The following SLC10A7 variants were observed in gnomAD, a reference collection of about 807,000 sequenced individuals.
SLC10A7 encodes solute carrier family 10 member 7.
Under a neutral mutation model 43.2 loss-of-function variants are expected in SLC10A7, and 29 were observed. The observed-to-expected ratio is 0.67, with a 90% CI of 0.50 to 0.92. The LOEUF (loss-of-function observed/expected upper bound fraction) is 0.92. Among genes scored for constraint, SLC10A7 ranks in the 40% least tolerant of loss-of-function variants. SLC10A7 has a pLI of 0.00. For missense variants in SLC10A7, 295 were observed against 403.2 expected, an observed-to-expected ratio of 0.73 and a Z score of 2.30; for synonymous variants, 152 against 144.8, an observed-to-expected ratio of 1.05 and a Z score of -0.35.
intron 5 of SLC10A7, among the ~76,000 whole-genome samples, chr4:146,434,578 T>C (rs1202717150): frequency 6.6e-6 from 1 of 151,972 alleles, no homozygotes; most frequent in Non-Finnish European, 1.5e-5. Context: ...TTTGTTTTTG[T>C]TCTGAGATGG....
intron 5 of SLC10A7, among the ~76,000 whole-genome samples, chr4:146,424,970 G>T (rs912540332): frequency 5.9e-5 from 9 of 152,066 alleles, no homozygotes; most frequent in African/African-American, 2.2e-4. Context: ...ATTAAAAAAA[G>T]TTCTGGCTGT....
chr4:146,515,074 C>G, intron 2 of SLC10A7: 2 of 701,020 alleles, frequency 2.9e-6, no homozygotes, highest in East Asian at 2.7e-5. Flanking sequence ...GAAATGCTGA[C>G]AGCTGTGGCA....
At chr4:146,485,084 T>C (rs1734797151) in intron 4 of SLC10A7, among the ~76,000 whole-genome samples, 1 of 152,130 alleles carries the variant, frequency 6.6e-6, no homozygotes, top group South Asian at 2.1e-4. Flanking sequence ...AAAAAATATG[T>C]AGGAAAAGAA....
intron 5 of SLC10A7, among the ~76,000 whole-genome samples, chr4:146,382,687 A>C (rs1398279819): frequency 6.6e-6 from 1 of 152,140 alleles, no homozygotes; most frequent in African/African-American, 2.4e-5. Context: ...TTTTAATATA[A>C]ATAATGTCCT....
chr4:146,317,942 G>A (rs1358021441), intron 6 of SLC10A7, among the ~76,000 whole-genome samples: 1 of 151,910 alleles, frequency 6.6e-6, no homozygotes, highest in Admixed American at 6.6e-5. Flanking sequence ...GGGACTTCTA[G>A]GCTCCATAAT....
rs747827453 is a variant in SLC10A7, at chr4:146,503,841, T to C, written c.396+8A>G. On this transcript the variant is annotated splice_region_variant and intron_variant, in intron 4 of 11. Transcript: ENST00000335472. ...CTTATGTTTAAATAAGGTAGCCCCA[T>C]GACTCACCTCATTTCCACCAACTGC... is the stretch of plus-strand genomic sequence containing the variant. 30 of 1,613,024 alleles carry C rather than the reference T, an allele frequency of 1.9e-5. No individual in the cohort carries two copies. In the Admixed American group the frequency reaches 4.8e-4, roughly 26 times the overall value.
chr4:146,431,632 T>C (rs1205889086), intron 5 of SLC10A7, among the ~76,000 whole-genome samples: 2 of 151,926 alleles, frequency 1.3e-5, no homozygotes, highest in African/African-American at 4.8e-5. Flanking sequence ...CACTAAACTA[T>C]ACACAAACAT....
chr4:146,258,600 G>T, intron 11 of SLC10A7, 92 bp downstream of exon 11: 1 of 1,259,394 alleles, frequency 7.9e-7, no homozygotes, highest in South Asian at 1.7e-5. Context: ...ACAAAGATAT[G>T]CAAGCAAAAT....
intron 4 of SLC10A7, among the ~76,000 whole-genome samples, chr4:146,448,111 A>C (rs1731266983): frequency 6.6e-6 from 1 of 152,044 alleles, no homozygotes; most frequent in Admixed American, 6.6e-5. Context: ...AGTTATACCT[A>C]ATGCTAAATG....
At chr4:146,387,486 A>C (rs1738096716) in intron 5 of SLC10A7, among the ~76,000 whole-genome samples, 1 of 152,224 alleles carries the variant, frequency 6.6e-6, no homozygotes, top group Non-Finnish European at 1.5e-5. Flanking sequence ...CATCATATGC[A>C]TCAGGGAAAA....
At chr4:146,271,560 C>T (rs1447448772) in intron 10 of SLC10A7, among the ~76,000 whole-genome samples, 1 of 152,138 alleles carries the variant, frequency 6.6e-6, no homozygotes, top group Non-Finnish European at 1.5e-5. Context: ...CCCCAGTCTA[C>T]TTTTAACAGA....
At chr4:146,383,617 C>T (rs569514233) in intron 5 of SLC10A7, among the ~76,000 whole-genome samples, 2 of 152,144 alleles carry the variant, frequency 1.3e-5, no homozygotes, top group Admixed American at 6.6e-5. Context: ...TTCATTCTTT[C>T]CTTGCTTTGT....
At chr4:146,438,664 G>A (rs1730381251) in intron 5 of SLC10A7, among the ~76,000 whole-genome samples, 1 of 151,978 alleles carries the variant, frequency 6.6e-6, no homozygotes, top group African/African-American at 2.4e-5. Flanking sequence ...AGTTCTAAAT[G>A]TTCCTTTTAA....
At position 146,517,099 on chromosome 4, in the gene SLC10A7, G is replaced by C. The variant is rs750110755; in HGVS notation, c.122C>G (p.Thr41Ser). 1.2e-6 allele frequency: 2 copies of C among 1,609,036 alleles called. No homozygotes were observed. The highest frequency in any genetic ancestry group is 1.7e-6 in the Non-Finnish European group (2 of 1,176,882). Residue 41 changes from threonine to serine, a missense_variant, in exon 2 of 12, where the codon ACT becomes AGT. Physicochemically the swap from Thr to Ser is moderately conservative, Grantham distance 58 (BLOSUM62 1). This residue lies in a region of SLC10A7 where 242 missense variants were observed against 362.5 expected (regional missense o/e 0.67). Coordinates refer to ENST00000335472, the MANE Select transcript of SLC10A7 (RefSeq NM_001029998.6). ...VNGGPLKPEI[T>S]VSYIAVATIF... ...TGTTGCAACAGCAATGTAGGATACA[G>C]TTATTTCTGGCTTCAGTGGTCCTAA... is the stretch of plus-strand genomic sequence containing the variant.
intron 6 of SLC10A7, among the ~76,000 whole-genome samples, chr4:146,315,134 G>A (rs1207753256): frequency 1.3e-5 from 2 of 152,094 alleles, no homozygotes; most frequent in African/African-American, 2.4e-5. Flanking sequence ...ACAACTTGTA[G>A]AGAACAGGAG....
intron 10 of SLC10A7, among the ~76,000 whole-genome samples, chr4:146,263,069 T>C (rs916170644): frequency 2.0e-5 from 3 of 152,250 alleles, no homozygotes; most frequent in Non-Finnish European, 4.4e-5. Flanking sequence ...TGCCATTCTC[T>C]GTCTTGCCCC....
chr4:146,405,165 C>T (rs1475640860), intron 5 of SLC10A7, among the ~76,000 whole-genome samples: 4 of 152,190 alleles, frequency 2.6e-5, no homozygotes, highest in African/African-American at 7.2e-5. Context: ...TGTTTAGTGG[C>T]TTTACTTATA....
intron 3 of SLC10A7, among the ~76,000 whole-genome samples, chr4:146,504,518 CAAA>C (rs5862761): frequency 5.6e-5 from 5 of 88,542 alleles, no homozygotes; most frequent in African/African-American, 4.3e-5. Context: ...GACTCCGTCT[CAAA>C]AAAAAAAAAA....
chr4:146,389,154 A>T (rs1738233664), intron 5 of SLC10A7, among the ~76,000 whole-genome samples: 1 of 152,058 alleles, frequency 6.6e-6, no homozygotes, highest in Non-Finnish European at 1.5e-5. Flanking sequence ...GACATGGGAG[A>T]CTCCAAAAGG....
Sources: gnomAD v4.1 joint callset for allele counts (sites outside exome capture counted in the v4.1 genomes callset) on GRCh38, gnomAD v4.1.1 for gene constraint, gnomAD v4.1.1 regional missense constraint, MANE v1.5 for transcripts, NCBI Gene and HGNC (gene_info 2026-07-23, HGNC 2026-07-21) for gene names.